The following RAB30 variants were observed in gnomAD, a reference collection of about 807,000 sequenced individuals.
The protein encoded by RAB30 is RAB30, member RAS oncogene family, also known as ras-related protein Rab-30.
Under a neutral mutation model 25.1 loss-of-function variants are expected in RAB30, and 9 were observed. The observed-to-expected ratio is 0.36, with a 90% confidence interval of 0.22 to 0.63. The LOEUF (loss-of-function observed/expected upper bound fraction) is 0.63. RAB30 is among the 20% of genes least tolerant of loss of function. The pLI, the probability that RAB30 is intolerant of heterozygous loss-of-function variation, is 0.69. For synonymous variants in RAB30, 77 were observed against 86.4 expected, an observed-to-expected ratio of 0.89 and a Z score of 0.60; for missense variants, 140 against 243.5, an observed-to-expected ratio of 0.58 and a Z score of 2.83.
At chr11:83,030,365 G>T (rs1386659687) in intron 1 of RAB30, among the ~76,000 whole-genome samples, 2 of 151,854 alleles carry the variant, frequency 1.3e-5, no homozygotes, top group Non-Finnish European at 2.9e-5. Context: ...GGGTGTGGTG[G>T]TATATGCCTG....
At chr11:83,069,773 A>C (rs1240912648) in intron 1 of RAB30, among the ~76,000 whole-genome samples, 1 of 152,226 alleles carries the variant, frequency 6.6e-6, no homozygotes, top group Non-Finnish European at 1.5e-5. Context: ...GCATGAGCCC[A>C]ACTGCAGCAT....
intron 1 of RAB30, among the ~76,000 whole-genome samples, chr11:83,069,807 G>A (rs1215100444): frequency 5.3e-5 from 8 of 152,136 alleles, no homozygotes; most frequent in Admixed American, 5.2e-4. Context: ...TGCTGCTGGG[G>A]CTAAATTATG....
rs1317060272 is a variant in RAB30, at chr11:83,063,119, A to G, written c.-9+8572T>C. 2.6e-5 allele frequency among the ~76,000 whole-genome samples: 4 copies of G among 152,044 alleles called. No homozygotes were observed. The East Asian group carries it at 7.7e-4, about 29-fold the overall frequency. On this transcript the variant is annotated intron_variant, in intron 1 of 4. Transcript: ENST00000527633. ...AATAATTCATGGCTGCGATCCTCAC[A>G]ATCTCTTCCCCAGGGTTCCTGTTAG...
chr11:83,040,401 G>A (rs1858080962), intron 1 of RAB30, among the ~76,000 whole-genome samples: 1 of 152,102 alleles, frequency 6.6e-6, no homozygotes, highest in Non-Finnish European at 1.5e-5. Context: ...AGACTAGCCT[G>A]ACCAACATGG....
intron 1 of RAB30, among the ~76,000 whole-genome samples, chr11:83,049,462 C>CG (rs1178354414): frequency 6.6e-5 from 8 of 120,974 alleles, no homozygotes; most frequent in African/African-American, 2.2e-4. Flanking sequence ...GGGGCAGAGG[C>CG]GGGGGGTGCA....
Position 83,029,265 on chromosome 11 carries a change from A to G in RAB30, c.-8-31941T>C, listed in dbSNP as rs1857795747. Among the ~76,000 whole-genome samples, 3 of 152,172 alleles carry G rather than the reference A, an allele frequency of 2.0e-5. No homozygotes were observed. The South Asian group carries it at 6.2e-4, about 32-fold the overall frequency. On this transcript the variant is annotated intron_variant, in intron 1 of 4. Coordinates refer to ENST00000527633, the MANE Select transcript of RAB30 (RefSeq NM_001286060.2). ...GTTCAAATATTTTAAATATATGATTATAAAGTTTTCAAATATACATAAAAG... is the reference window on the plus strand; with the variant it reads ...GTTCAAATATTTTAAATATATGATTGTAAAGTTTTCAAATATACATAAAAG...
intron 1 of RAB30, among the ~76,000 whole-genome samples, chr11:83,019,790 C>T (rs1291090046): frequency 1.3e-5 from 2 of 152,284 alleles, no homozygotes; most frequent in South Asian, 4.1e-4. Context: ...ATTGTTACCA[C>T]GAGAGGTAGC....
intron 1 of RAB30, among the ~76,000 whole-genome samples, chr11:83,037,011 T>A (rs572882399): frequency 6.6e-6 from 1 of 152,308 alleles, no homozygotes; most frequent in East Asian, 1.9e-4. Flanking sequence ...AATAGTGTAA[T>A]CTGACTTGCG....
At chr11:83,047,831 A>T (rs1402382438) in intron 1 of RAB30, among the ~76,000 whole-genome samples, 1 of 152,080 alleles carries the variant, frequency 6.6e-6, no homozygotes, top group East Asian at 1.9e-4. Flanking sequence ...CTTTTCCACC[A>T]TCCCTCAGTA....
chr11:83,062,809 T>C (rs1414995590), intron 1 of RAB30, among the ~76,000 whole-genome samples: 2 of 152,008 alleles, frequency 1.3e-5, no homozygotes, highest in Admixed American at 1.3e-4. Context: ...GAGACCAGCC[T>C]GGCCAACAAG....
intron 1 of RAB30, among the ~76,000 whole-genome samples, chr11:83,014,479 A>C (rs1000590461): frequency 6.6e-6 from 1 of 152,000 alleles, no homozygotes; most frequent in African/African-American, 2.4e-5. Flanking sequence ...CCAGGAGGTC[A>C]AGGCTGCAGT....
chr11:83,015,871 C>T (rs1278382042), intron 1 of RAB30, among the ~76,000 whole-genome samples: 3 of 152,184 alleles, frequency 2.0e-5, no homozygotes, highest in African/African-American at 7.2e-5. Context: ...GGCATGGTAG[C>T]TCATGCCTGT....
chr11:83,030,061 G>T (rs1425578575), intron 1 of RAB30, among the ~76,000 whole-genome samples: 1 of 152,112 alleles, frequency 6.6e-6, no homozygotes, highest in Non-Finnish European at 1.5e-5. Context: ...AGGGGAGTGA[G>T]GGATAAAAGA....
chr11:83,022,742 A>G (rs770996239), intron 1 of RAB30, among the ~76,000 whole-genome samples: 3 of 152,170 alleles, frequency 2.0e-5, no homozygotes, highest in Non-Finnish European at 4.4e-5. Context: ...GGGCAATTTA[A>G]AAAATAATAA....
chr11:83,011,374 T>G (rs1342457344), intron 1 of RAB30, among the ~76,000 whole-genome samples: 1 of 152,224 alleles, frequency 6.6e-6, no homozygotes, highest in Admixed American at 6.5e-5. Flanking sequence ...ATATAAATCT[T>G]GTACTATAAC....
At chr11:83,062,775 C>T (rs932986726) in intron 1 of RAB30, among the ~76,000 whole-genome samples, 7 of 151,604 alleles carry the variant, frequency 4.6e-5, no homozygotes, top group South Asian at 2.1e-4. Context: ...CTGAAGTGGG[C>T]GGATCGCCTG....
chr11:82,985,716 T>A (rs1361341921), intron 4 of RAB30, among the ~76,000 whole-genome samples: 1 of 103,762 alleles, frequency 9.6e-6, no homozygotes, highest in Non-Finnish European at 1.9e-5. Flanking sequence ...TTACTTGGCT[T>A]TTTTTTTTTT....
rs984140494 is a variant in RAB30, at chr11:82,980,192, G to A, written c.*1973C>T. ...GTTGCTGGCTTAGTGGAGAGGATGG[G>A]GAGGGAAAGGCAACAATTATTATAA... On this transcript the variant is annotated 3_prime_UTR_variant, in exon 5 of 5. Transcript: ENST00000527633. 1 of 152,130 alleles carries A rather than the reference G, an allele frequency of 6.6e-6. No homozygotes were observed. The highest frequency in any genetic ancestry group is 2.4e-5 in the African/African-American group (1 of 41,422). 9.4% of individuals were successfully genotyped at this position (152,130 alleles called of 1,614,324 possible).
chr11:83,061,719 T>TC, intron 1 of RAB30, among the ~76,000 whole-genome samples: 1 of 144,554 alleles, frequency 6.9e-6, no homozygotes, highest in Admixed American at 6.9e-5. Context: ...TCTTTTTTTT[T>TC]TTTTTTTTTT....
Sources: gnomAD v4.1 joint callset for allele counts (sites outside exome capture counted in the v4.1 genomes callset) on GRCh38, gnomAD v4.1.1 for gene constraint, MANE v1.5 for transcripts, NCBI Gene and HGNC (gene_info 2026-07-23, HGNC 2026-07-21) for gene names.